The following DEUP1 variants were observed in gnomAD, a reference collection of about 807,000 sequenced individuals.
The protein encoded by DEUP1 is deuterosome assembly protein 1.
In DEUP1, 82 loss-of-function variants were observed where a neutral mutation model predicts 87.4. That is an observed-to-expected ratio of 0.94 (90% CI 0.78 to 1.13). The LOEUF is 1.13. Ranked by LOEUF, DEUP1 falls within the 50% of genes most tolerant of loss-of-function variation. The probability of loss-of-function intolerance (pLI) is 0.00; values close to 1 mark genes in which losing one functional copy is unlikely to be tolerated. For synonymous variants in DEUP1, 214 were observed against 222.7 expected (o/e 0.96, Z 0.35); for missense variants, 663 against 681.5 (o/e 0.97, Z 0.30).
chr11:93,417,119 C>T (rs912160175), intron 13 of DEUP1, among the ~76,000 whole-genome samples: 2 of 144,850 alleles, frequency 1.4e-5, no homozygotes, highest in Admixed American at 6.9e-5. Flanking sequence ...AAAACTGGCA[C>T]AAGACAGGGA....
At chr11:93,362,969 A>G (rs1456242) in intron 4 of DEUP1, among the ~76,000 whole-genome samples, 83,809 of 151,562 alleles carry the variant, frequency 0.55, 23,702 homozygotes, top group Admixed American at 0.66. Flanking sequence ...TGTTCATAGC[A>G]TTATTTACAG....
At chr11:93,405,385 AATGTTGAGAAATC>A in intron 11 of DEUP1, among the ~76,000 whole-genome samples, 1 of 152,088 alleles carries the variant, frequency 6.6e-6, no homozygotes, top group South Asian at 2.1e-4. Flanking sequence ...AAAAAGAATA[AATGTTGAGAAATC>A]CTAAAGGCAG....
At chr11:93,345,466 C>G (rs1221911634) in intron 2 of DEUP1, among the ~76,000 whole-genome samples, 1 of 152,168 alleles carries the variant, frequency 6.6e-6, no homozygotes, top group Non-Finnish European at 1.5e-5. Flanking sequence ...CTAATTTCCA[C>G]TCCCACAAAC....
intron 7 of DEUP1, among the ~76,000 whole-genome samples, chr11:93,378,072 G>A (rs60509970): frequency 2.4e-4 from 37 of 152,082 alleles, no homozygotes; most frequent in African/African-American, 8.4e-4. Flanking sequence ...ATCACCTGAC[G>A]ACTATGTGCC....
At chr11:93,362,243 C>T (rs1565307677) in intron 4 of DEUP1, among the ~76,000 whole-genome samples, 3 of 152,042 alleles carry the variant, frequency 2.0e-5, no homozygotes, top group South Asian at 4.1e-4. Context: ...AACTTTTGTG[C>T]TTCAAAGGAC....
intron 9 of DEUP1, among the ~76,000 whole-genome samples, chr11:93,390,376 G>A (rs1198913321): frequency 6.6e-6 from 1 of 152,096 alleles, no homozygotes; most frequent in African/African-American, 2.4e-5. Flanking sequence ...TGAAAGACAG[G>A]TACTGTCTGC....
chr11:93,357,115 C>A (rs1326176888), intron 4 of DEUP1, 72 bp downstream of exon 4: 1 of 895,754 alleles, frequency 1.1e-6, no homozygotes, highest in Admixed American at 3.0e-5. Context: ...GTTGTGTTAA[C>A]TTTAAACTGT....
At chr11:93,405,241 T>C (rs1947235244) in intron 11 of DEUP1, among the ~76,000 whole-genome samples, 1 of 151,972 alleles carries the variant, frequency 6.6e-6, no homozygotes, top group Non-Finnish European at 1.5e-5. Context: ...TTTTTCCTTA[T>C]GGAGGGAAAA....
chr11:93,432,933 T>A (rs1450905170), intron 13 of DEUP1, among the ~76,000 whole-genome samples: 1 of 152,154 alleles, frequency 6.6e-6, no homozygotes, highest in Admixed American at 6.5e-5. Context: ...ACATGAAGGA[T>A]TCTTCAGGGC....
chr11:93,373,625 G>GTGTATATATA (rs796309948), intron 7 of DEUP1, among the ~76,000 whole-genome samples: 43 of 67,006 alleles, frequency 6.4e-4, no homozygotes, highest in African/African-American at 1.5e-3. Context: ...ATATATATAC[G>GTGTATATATA]TATATATATA....
chr11:93,365,560 A>G (rs1167311856), intron 5 of DEUP1, among the ~76,000 whole-genome samples: 1 of 152,190 alleles, frequency 6.6e-6, no homozygotes. Flanking sequence ...TTGTGGGAGA[A>G]CTACATTAAT....
chr11:93,408,035 A>G (rs1947331854), intron 11 of DEUP1, among the ~76,000 whole-genome samples, 196 bp from the exon 12 acceptor site: 1 of 152,048 alleles, frequency 6.6e-6, no homozygotes. Context: ...GTGTTCCACA[A>G]CAGCTACCTC....
Position 93,352,370 on chromosome 11 carries a change from C to T in DEUP1, c.30-3001C>T, listed in dbSNP as rs1944668865. The T allele has an allele frequency of 4.3e-6, 3 of 702,494 alleles. No homozygotes were observed. In the South Asian group the frequency reaches 4.4e-5, roughly 10 times the overall value. The allele number at this position is 702,494 out of a possible 1,614,324, so 43.5% of individuals were successfully genotyped here. A position where few individuals can be genotyped will look rare whatever the true frequency, so the allele number is the denominator to read the frequency against. On this transcript the variant is annotated intron_variant, in intron 2 of 13. Coordinates refer to ENST00000298050, the MANE Select transcript of DEUP1 (RefSeq NM_181645.4). ...GAGTGACTGGACTTACACCAGCTCC[C>T]TGGAGAATGCTTCAGCTTCTTTGAA...
At chr11:93,336,256 G>C (rs997319428) in intron 2 of DEUP1, among the ~76,000 whole-genome samples, 2 of 152,112 alleles carry the variant, frequency 1.3e-5, no homozygotes, top group African/African-American at 4.8e-5. Flanking sequence ...GAGAGAGAAG[G>C]GGGGAGTTGC....
chr11:93,341,247 G>A (rs146539710), intron 2 of DEUP1, among the ~76,000 whole-genome samples: 2,292 of 134,188 alleles, frequency 0.017, 24 homozygotes, highest in East Asian at 0.066. Flanking sequence ...ACAAGACCCT[G>A]TCTCTACAAA....
chr11:93,356,363 T>C (rs963750008), intron 3 of DEUP1, among the ~76,000 whole-genome samples: 1 of 152,150 alleles, frequency 6.6e-6, no homozygotes, highest in Non-Finnish European at 1.5e-5. Context: ...ACAGTAGAGG[T>C]AGGTCATCAA....
chr11:93,385,690 A>C, intron 8 of DEUP1, 147 bp downstream of exon 8: 1 of 533,284 alleles, frequency 1.9e-6, no homozygotes, highest in Non-Finnish European at 3.0e-6. Flanking sequence ...ATTAAAAATA[A>C]AATTTATGGT....
chr11:93,434,477 C>T (rs1948184580), intron 13 of DEUP1, among the ~76,000 whole-genome samples: 1 of 152,204 alleles, frequency 6.6e-6, no homozygotes, highest in South Asian at 2.1e-4. Context: ...ACACATTCCT[C>T]ACTGCCTCTG....
chr11:93,355,432 A>G lies in DEUP1; in HGVS notation c.91A>G (p.Asn31Asp). The change falls in exon 3 of 14, where the codon AAC becomes GAC. Residue 31 changes from asparagine to aspartate, a missense_variant. Transcript: ENST00000298050. Reference sequence around the variant, plus strand: ...GGAACAAATTGACATCATGGTAAGCAACAAGAAAATGGATTGGGAAAGAAA... The same window carrying G: ...GGAACAAATTGACATCATGGTAAGCGACAAGAAAATGGATTGGGAAAGAAA... ...LMEQIDIMVS[N>D]KKMDWERKMR... is the part of the protein sequence containing the mutation. The G allele has an allele frequency of 6.2e-7, 1 of 1,613,846 alleles. No homozygotes were observed. The highest frequency in any genetic ancestry group is 8.5e-7 in the Non-Finnish European group (1 of 1,179,792).
Sources: gnomAD v4.1 joint callset for allele counts (sites outside exome capture counted in the v4.1 genomes callset) on GRCh38, gnomAD v4.1.1 for gene constraint, MANE v1.5 for transcripts, NCBI Gene and HGNC (gene_info 2026-07-23, HGNC 2026-07-21) for gene names.